The following UBE2E2 variants were observed in gnomAD, a reference collection of about 807,000 sequenced individuals.
UBE2E2 encodes the protein ubiquitin-conjugating enzyme E2 E2.
Under a neutral mutation model 24.7 loss-of-function variants are expected in UBE2E2, and 6 were observed. The ratio of observed to expected loss-of-function variants is 0.24; its 90% confidence interval spans 0.13 to 0.48. UBE2E2 has a LOEUF of 0.48. Among genes scored for constraint, UBE2E2 ranks in the 20% least tolerant of loss-of-function variants. UBE2E2 has a pLI of 0.99. For missense variants in UBE2E2, 169 were observed against 245.0 expected (o/e 0.69, Z 2.07); for synonymous variants, 104 against 83.6 (o/e 1.24, Z -1.33).
chr3:23,382,810 G>A (rs1279609461), intron 3 of UBE2E2, among the ~76,000 whole-genome samples: 3 of 152,070 alleles, frequency 2.0e-5, no homozygotes, highest in Non-Finnish European at 4.4e-5. Context: ...TTTTTCTGTA[G>A]TTTCTTAATA....
chr3:23,528,006 A>G (rs1695040106), intron 4 of UBE2E2, among the ~76,000 whole-genome samples: 1 of 152,232 alleles, frequency 6.6e-6, no homozygotes, highest in Non-Finnish European at 1.5e-5. Context: ...CCCCCAGTTT[A>G]TAACAGTCAG....
chr3:23,275,820 G>A (rs1698363068), intron 3 of UBE2E2, among the ~76,000 whole-genome samples: 3 of 151,886 alleles, frequency 2.0e-5, no homozygotes, highest in African/African-American at 7.3e-5. Flanking sequence ...TTTTGTCACA[G>A]TGTTTGGAAA....
chr3:23,461,268 ATG>A (rs1413431163), intron 3 of UBE2E2, among the ~76,000 whole-genome samples: 1 of 152,162 alleles, frequency 6.6e-6, no homozygotes, highest in Non-Finnish European at 1.5e-5. Flanking sequence ...GCCACAAATC[ATG>A]TGTTTTATTA....
At chr3:23,303,702 G>T (rs931084482) in intron 3 of UBE2E2, among the ~76,000 whole-genome samples, 11 of 152,072 alleles carry the variant, frequency 7.2e-5, no homozygotes, top group Admixed American at 4.6e-4. Flanking sequence ...AAGAATTGTT[G>T]GTCTTCCATA....
At chr3:23,557,095 GA>G (rs1348753141) in intron 5 of UBE2E2, among the ~76,000 whole-genome samples, 3 of 152,136 alleles carry the variant, frequency 2.0e-5, no homozygotes, top group Non-Finnish European at 2.9e-5. Context: ...ATACATTTAA[GA>G]AACACTAAAT....
At chr3:23,333,990 AGTT>A (rs1028397603) in intron 3 of UBE2E2, among the ~76,000 whole-genome samples, 5 of 152,298 alleles carry the variant, frequency 3.3e-5, no homozygotes, top group South Asian at 4.1e-4. Flanking sequence ...TAAAAGTTTC[AGTT>A]GTTGATGCAT....
At chr3:23,234,633 C>T (rs944223839) in intron 3 of UBE2E2, among the ~76,000 whole-genome samples, 4 of 152,092 alleles carry the variant, frequency 2.6e-5, no homozygotes, top group African/African-American at 9.7e-5. Flanking sequence ...GATTGATGCT[C>T]CATAGTCTTT....
chr3:23,345,430 T>A (rs934035581), intron 3 of UBE2E2, among the ~76,000 whole-genome samples: 6 of 152,248 alleles, frequency 3.9e-5, no homozygotes, highest in Admixed American at 6.5e-5. Context: ...ATAATTTTGT[T>A]ACTTATTATT....
intron 3 of UBE2E2, among the ~76,000 whole-genome samples, chr3:23,493,891 A>G (rs988617184): frequency 2.6e-5 from 4 of 152,220 alleles, no homozygotes; most frequent in Non-Finnish European, 4.4e-5. Flanking sequence ...AACAGCAAGC[A>G]CAACAGCAAC....
At position 23,512,259 on chromosome 3, in the gene UBE2E2, C is replaced by A. The variant is rs150486923; in HGVS notation, c.360+12519C>A. ...TTTTGAGACAGTCTTACCCTGTCAC[C>A]CAGGCTGGAGTGCAGTGGCACGATC... On this transcript the variant is annotated intron_variant, in intron 4 of 5. Coordinates refer to ENST00000396703, the MANE Select transcript of UBE2E2 (RefSeq NM_152653.4). Among the ~76,000 whole-genome samples the A allele has an allele frequency of 7.9e-3, 1,192 of 151,624 alleles. 87 individuals carry two copies. In the East Asian group the frequency reaches 0.17, roughly 21 times the overall value.
At chr3:23,203,321 G>A, upstream of UBE2E2, 4 of 986,880 alleles carry the variant, frequency 4.1e-6, no homozygotes, top group Non-Finnish European at 4.8e-6. Context: ...CGTGGTGCGT[G>A]GGTCCGGCTT....
chr3:23,207,389 A>T (rs1696178237), intron 1 of UBE2E2, among the ~76,000 whole-genome samples: 1 of 152,030 alleles, frequency 6.6e-6, no homozygotes, highest in Admixed American at 6.6e-5. Flanking sequence ...AGCAAAGGGA[A>T]TTTGAAAGCC....
chr3:23,498,259 A>G (rs1445281875), intron 3 of UBE2E2, among the ~76,000 whole-genome samples: 1 of 152,112 alleles, frequency 6.6e-6, no homozygotes, highest in Non-Finnish European at 1.5e-5. Flanking sequence ...TGACTTTTGC[A>G]TTTAAATATT....
At chr3:23,278,884 A>G (rs748043196) in intron 3 of UBE2E2, among the ~76,000 whole-genome samples, 17 of 152,298 alleles carry the variant, frequency 1.1e-4, no homozygotes, top group South Asian at 6.2e-4. Flanking sequence ...GCAAATTATT[A>G]GATGTGATTT....
intron 3 of UBE2E2, among the ~76,000 whole-genome samples, chr3:23,300,890 G>A (rs1248148204): frequency 6.6e-6 from 1 of 152,106 alleles, no homozygotes; most frequent in African/African-American, 2.4e-5. Context: ...TTCCCACTTG[G>A]TTCCATTCTC....
Position 23,279,642 on chromosome 3 carries a change from A to G in UBE2E2, c.227+62330A>G, listed in dbSNP as rs564577660. Among the ~76,000 whole-genome samples the G allele has an allele frequency of 2.4e-4, 37 of 152,324 alleles. No individual in the cohort carries two copies. The South Asian group carries it at 6.6e-3, about 27-fold the overall frequency. On this transcript the variant is annotated intron_variant, in intron 3 of 5. Transcript: ENST00000396703. ...GCCAGTTGGAACCAGCTTAGGGTCT[A>G]TAGCTGCTTATCAGGAGAGAATATT...
At chr3:23,267,126 A>G (rs1304849994) in intron 3 of UBE2E2, among the ~76,000 whole-genome samples, 9 of 151,960 alleles carry the variant, frequency 5.9e-5, no homozygotes, top group Admixed American at 4.6e-4. Context: ...TTGACACCCT[A>G]ACGTCACAAT....
chr3:23,307,714 ATTAG>A (rs754726032), intron 3 of UBE2E2, among the ~76,000 whole-genome samples: 5 of 152,206 alleles, frequency 3.3e-5, no homozygotes, highest in African/African-American at 9.6e-5. Flanking sequence ...GTTCAGGAGT[ATTAG>A]TTATGAATTA....
At chr3:23,458,426 G>GGTT (rs548190773) in intron 3 of UBE2E2, among the ~76,000 whole-genome samples, 43 of 148,064 alleles carry the variant, frequency 2.9e-4, no homozygotes, top group African/African-American at 7.8e-4. Context: ...TGGTGGTGGT[G>GGTT]GTTGTTGTTG....
Sources: gnomAD v4.1 joint callset for allele counts (sites outside exome capture counted in the v4.1 genomes callset) on GRCh38, gnomAD v4.1.1 for gene constraint, MANE v1.5 for transcripts, NCBI Gene and HGNC (gene_info 2026-07-23, HGNC 2026-07-21) for gene names.